CCDC138: variants seen among roughly 807,000 people sequenced by gnomAD.
CCDC138 encodes the protein coiled-coil domain containing 138.
Under a neutral mutation model 82.3 loss-of-function variants are expected in CCDC138, and 66 were observed. That is an observed-to-expected ratio of 0.80 (90% CI 0.66 to 0.98). The LOEUF is 0.98. CCDC138 is among the 50% of genes least tolerant of loss of function. The probability of loss-of-function intolerance (pLI) is 0.00; values close to 1 mark genes in which losing one functional copy is unlikely to be tolerated. For synonymous variants in CCDC138, 297 were observed against 265.4 expected (o/e 1.12, Z -1.16); for missense variants, 816 against 758.9 (o/e 1.08, Z -0.88).
In CCDC138 at chr2:108,809,520, T is replaced by C. The variant is rs190915324; in HGVS notation, c.856-3111T>C. Among the ~76,000 whole-genome samples, 7 of 151,914 alleles carry C rather than the reference T, an allele frequency of 4.6e-5. No individual in the cohort carries two copies. The Middle Eastern group carries it at 0.014, about 295-fold the overall frequency. On this transcript the variant is annotated intron_variant, in intron 7 of 14. Coordinates refer to ENST00000295124, the MANE Select transcript of CCDC138 (RefSeq NM_144978.3). ...AGTTTCATTCATCAGTGTTTTATAG[T>C]TTTCATCGTGGAAATCTTTCACTTC...
chr2:108,795,148 G>GTTTTTTTTT (rs1405181630), intron 5 of CCDC138, among the ~76,000 whole-genome samples: 1 of 68,652 alleles, frequency 1.5e-5, no homozygotes, highest in Non-Finnish European at 3.1e-5. Flanking sequence ...TTTCTAAAGT[G>GTTTTTTTTT]TATTTTTTTT....
At chr2:108,878,087 A>G (rs1470498420), downstream of CCDC138, among the ~76,000 whole-genome samples, 1 of 152,226 alleles carries the variant, frequency 6.6e-6, no homozygotes, top group Non-Finnish European at 1.5e-5. Context: ...GAAATGACTT[A>G]AAGATTAATC....
At chr2:108,873,330 G>T in intron 13 of CCDC138, 121 bp from the exon 14 acceptor site, 1 of 934,140 alleles carries the variant, frequency 1.1e-6, no homozygotes. Flanking sequence ...ATTTAAGTAT[G>T]AAAAGAATGA....
intron 6 of CCDC138, 135 bp downstream of exon 6, chr2:108,798,721 A>ACG (rs1322005505): frequency 1.7e-6 from 1 of 573,864 alleles, no homozygotes; most frequent in African/African-American, 1.9e-5. Flanking sequence ...ACACACACAC[A>ACG]CACACACACA....
rs111852316 is a variant in CCDC138, at chr2:108,798,891, A to G, written c.735+305A>G. ...CATTTGAAAGCAGTTTGTAAAAATC[A>G]TGATTCTGTCCCTAAATACCTCAGT... On this transcript the variant is annotated intron_variant, in intron 6 of 14. Coordinates refer to ENST00000295124, the MANE Select transcript of CCDC138 (RefSeq NM_144978.3). Among the ~76,000 whole-genome samples the G allele has an allele frequency of 4.1e-3, 620 of 152,002 alleles. 6 individuals carry two copies. Among genetic ancestry groups the G allele is most frequent in the African/African-American group, 0.014 (600 of 41,468 alleles).
chr2:108,882,778 C>G (rs1325975130), exon 2 of CCDC138: 1 of 152,182 alleles, frequency 6.6e-6, no homozygotes, highest in East Asian at 1.9e-4. Flanking sequence ...CCTAAGCAGG[C>G]CTGGCACTGA....
chr2:108,787,201 G>A (rs754052184), intron 1 of CCDC138, among the ~76,000 whole-genome samples: 94 of 152,334 alleles, frequency 6.2e-4, no homozygotes, highest in Non-Finnish European at 8.8e-4. Context: ...TGATGTGAGT[G>A]GAGTTGTGAA....
intron 13 of CCDC138, among the ~76,000 whole-genome samples, chr2:108,861,365 T>C (rs1313300709): frequency 2.0e-5 from 3 of 152,100 alleles, no homozygotes; most frequent in Admixed American, 1.3e-4. Context: ...CAGCTAACTT[T>C]GGATTAATTT....
intron 14 of CCDC138, 105 bp downstream of exon 14, chr2:108,873,694 A>G: frequency 4.4e-6 from 3 of 675,742 alleles, no homozygotes; most frequent in African/African-American, 1.8e-5. Flanking sequence ...CACTGGATGA[A>G]GAAGAATTGC....
chr2:108,788,793 C>G, intron 2 of CCDC138, 59 bp from the exon 3 acceptor site: 1 of 1,605,118 alleles, frequency 6.2e-7, no homozygotes, highest in East Asian at 2.2e-5. Context: ...ATGGCCAGTG[C>G]CAGATATTTT....
chr2:108,800,466 T>C lies in CCDC138; in HGVS notation c.735+1880T>C, dbSNP rs111943065. Among the ~76,000 whole-genome samples the C allele has an allele frequency of 8.0e-3, 1,219 of 152,188 alleles. 22 individuals are homozygous for C. The highest frequency in any genetic ancestry group is 0.027 in the African/African-American group (1,113 of 41,516). The stretch of plus-strand genomic sequence containing the variant: ...TTTTAGTAGGGACGGGGTTTCACCA[T>C]GTTGGTCAGGCTGGTCTTGAATTCC... On this transcript the variant is annotated intron_variant, in intron 6 of 14. Coordinates refer to ENST00000295124, the MANE Select transcript of CCDC138 (RefSeq NM_144978.3).
intron 10 of CCDC138, among the ~76,000 whole-genome samples, chr2:108,823,846 G>A (rs1187879767): frequency 3.3e-5 from 5 of 152,048 alleles, no homozygotes; most frequent in African/African-American, 4.8e-5. Flanking sequence ...GCGTGGTGGC[G>A]GGCATCTGTA....
chr2:108,876,511 A>G lies in CCDC138; in HGVS notation c.*258A>G, dbSNP rs898159870. ...GACACTGAAGTGACTTTTTGTAAAA[A>G]TATATTAGGAAAATTATTTCTTAAA... On this transcript the variant is annotated 3_prime_UTR_variant, in exon 15 of 15. Coordinates refer to ENST00000295124, the MANE Select transcript of CCDC138 (RefSeq NM_144978.3). 6 of 245,530 alleles carry G rather than the reference A, an allele frequency of 2.4e-5. No individual in the cohort carries two copies. The highest frequency in any genetic ancestry group is 3.8e-5 in the Non-Finnish European group (5 of 130,316). The allele number at this position is 245,530 out of a possible 1,614,324, so 15.2% of individuals were successfully genotyped here.
chr2:108,815,323 C>T (rs1684573100), intron 9 of CCDC138, among the ~76,000 whole-genome samples: 1 of 151,876 alleles, frequency 6.6e-6, no homozygotes, highest in South Asian at 2.1e-4. Flanking sequence ...TCTTATCAAA[C>T]TTGGATAAAG....
chr2:108,846,663 C>T lies in CCDC138; in HGVS notation c.1324-75C>T. 2.2e-6 allele frequency: 3 copies of T among 1,334,490 alleles called. No individual in the cohort carries two copies. The South Asian group carries it at 3.9e-5, about 17-fold the overall frequency. The allele number at this position is 1,334,490 out of a possible 1,614,324, so 82.7% of individuals were successfully genotyped here. The stretch of plus-strand genomic sequence containing the variant: ...CTGCATTCCAACCTGGGCAACAGAG[C>T]AAGACTGTGTCTCAAAAAAAAAGAT... On this transcript the variant is annotated intron_variant, in intron 11 of 14. Transcript: ENST00000295124.
intron 12 of CCDC138, among the ~76,000 whole-genome samples, chr2:108,855,525 T>A (rs1408304146): frequency 6.6e-6 from 1 of 152,064 alleles, no homozygotes; most frequent in Non-Finnish European, 1.5e-5. Flanking sequence ...AAGGCAAGTC[T>A]GAACAGAATC....
intron 4 of CCDC138, among the ~76,000 whole-genome samples, chr2:108,794,202 G>C (rs1680459370): frequency 6.6e-6 from 1 of 152,120 alleles, no homozygotes; most frequent in South Asian, 2.1e-4. Context: ...TGGTAAATTT[G>C]GTTTAGGGGA....
chr2:108,825,198 A>G (rs927375180), intron 10 of CCDC138, among the ~76,000 whole-genome samples: 14 of 152,146 alleles, frequency 9.2e-5, no homozygotes, highest in African/African-American at 3.4e-4. Context: ...CAAAACTTAG[A>G]GAGACTTAGG....
At chr2:108,867,000 G>A (rs1694520369) in intron 13 of CCDC138, among the ~76,000 whole-genome samples, 1 of 151,942 alleles carries the variant, frequency 6.6e-6, no homozygotes, top group Non-Finnish European at 1.5e-5. Context: ...AGATTATATT[G>A]TTATATTGTT....
Sources: gnomAD v4.1 joint callset for allele counts (sites outside exome capture counted in the v4.1 genomes callset) on GRCh38, gnomAD v4.1.1 for gene constraint, MANE v1.5 for transcripts, NCBI Gene and HGNC (gene_info 2026-07-23, HGNC 2026-07-21) for gene names.